NLRP11: variants seen among roughly 807,000 people sequenced by gnomAD.
NLRP11 encodes NLR family pyrin domain containing 11.
NLRP11 carries 53 observed loss-of-function variants against 79.3 expected under a neutral mutation model. The observed-to-expected ratio is 0.67, with a 90% CI of 0.54 to 0.84. The LOEUF is 0.84. Among genes scored for constraint, NLRP11 ranks in the 40% least tolerant of loss-of-function variants. NLRP11 has a pLI of 0.00. For synonymous variants in NLRP11, 518 were observed against 462.6 expected (o/e 1.12, Z -1.54); for missense variants, 1,264 against 1,255.0 (o/e 1.01, Z -0.11).
intron 6 of NLRP11, among the ~76,000 whole-genome samples, chr19:55,793,564 A>G (rs1490512144): frequency 6.8e-6 from 1 of 146,800 alleles, no homozygotes; most frequent in African/African-American, 2.5e-5. Context: ...TCCAAAAAAA[A>G]AAAAAAAAAA....
intron 4 of NLRP11, among the ~76,000 whole-genome samples, chr19:55,805,626 G>A (rs540952723): frequency 1.1e-4 from 17 of 151,918 alleles, no homozygotes; most frequent in Non-Finnish European, 1.6e-4. Flanking sequence ...CGTGGCCTGC[G>A]CCTCCCGGGT....
chr19:55,821,099 T>TTTCC (rs1293638996), intron 1 of NLRP11, among the ~76,000 whole-genome samples: 1 of 151,974 alleles, frequency 6.6e-6, no homozygotes, highest in Non-Finnish European at 1.5e-5. Flanking sequence ...AAGCTTGCAA[T>TTTCC]TTCCTTCCAT....
exon 5 of NLRP11, chr19:55,801,731 T>C (rs749263003): frequency 6.2e-7 from 1 of 1,614,054 alleles, no homozygotes; most frequent in African/African-American, 1.3e-5. Context: ...AGTCGAGACA[T>C]AGGACAACCT....
At chr19:55,822,357 A>C (rs1343761128) in intron 1 of NLRP11, among the ~76,000 whole-genome samples, 1 of 152,254 alleles carries the variant, frequency 6.6e-6, no homozygotes, top group African/African-American at 2.4e-5. Context: ...TGAAGATGTC[A>C]AAGAAAAATT....
chr19:55,803,375 G>C (rs1356928718), intron 4 of NLRP11, among the ~76,000 whole-genome samples: 1 of 152,100 alleles, frequency 6.6e-6, no homozygotes, highest in East Asian at 1.9e-4. Flanking sequence ...CAAAAACTAG[G>C]CAATACCATT....
chr19:55,793,420 T>C (rs1459191951), intron 6 of NLRP11, among the ~76,000 whole-genome samples: 1 of 151,610 alleles, frequency 6.6e-6, no homozygotes, highest in African/African-American at 2.4e-5. Flanking sequence ...AATACAAAAA[T>C]TAGCCGGCAT....
intron 7 of NLRP11, 79 bp from the exon 8 acceptor site, chr19:55,789,478 G>T: frequency 7.5e-7 from 1 of 1,330,248 alleles, no homozygotes; most frequent in South Asian, 1.4e-5. Flanking sequence ...AGCATTCTTG[G>T]ACCCGTCTTG....
chr19:55,835,499 G>A (rs1296174568), upstream of NLRP11, among the ~76,000 whole-genome samples: 3 of 151,170 alleles, frequency 2.0e-5, no homozygotes, highest in African/African-American at 4.9e-5. Flanking sequence ...TCAAGGGTTC[G>A]AGACCAGCCT....
chr19:55,814,495 G>A (rs977166819), intron 2 of NLRP11, among the ~76,000 whole-genome samples: 2 of 151,958 alleles, frequency 1.3e-5, no homozygotes, highest in African/African-American at 4.8e-5. Flanking sequence ...CACTATACCA[G>A]GACAAGCTAT....
intron 7 of NLRP11, 31 bp downstream of exon 7, chr19:55,792,270 C>G (rs1200813097): frequency 1.2e-6 from 2 of 1,600,234 alleles, no homozygotes; most frequent in South Asian, 2.2e-5. Flanking sequence ...AGTAGAAACA[C>G]AGTCATCCAG....
chr19:55,791,756 C>T (rs1990246796), intron 7 of NLRP11, among the ~76,000 whole-genome samples: 2 of 152,044 alleles, frequency 1.3e-5, no homozygotes, highest in African/African-American at 2.4e-5. Context: ...GAGGCACACT[C>T]AAAAAACTGT....
chr19:55,802,055 A>C (rs965698780), intron 4 of NLRP11, among the ~76,000 whole-genome samples: 3 of 152,198 alleles, frequency 2.0e-5, no homozygotes, highest in African/African-American at 4.8e-5. Context: ...CACATGCACA[A>C]GTTTAACCAT....
chr19:55,830,175 C>T (rs1025920308), intron 1 of NLRP11, among the ~76,000 whole-genome samples: 2 of 152,086 alleles, frequency 1.3e-5, no homozygotes. Flanking sequence ...GGTGTTTTTC[C>T]CCCCTAAGTG....
chr19:55,805,578 C>T (rs1434972183), intron 4 of NLRP11, among the ~76,000 whole-genome samples: 1 of 151,790 alleles, frequency 6.6e-6, no homozygotes, highest in African/African-American at 2.4e-5. Context: ...CTCACTCTGT[C>T]ACCCAGGCTG....
At chr19:55,829,014 C>T (rs1232053512) in intron 1 of NLRP11, among the ~76,000 whole-genome samples, 2 of 152,118 alleles carry the variant, frequency 1.3e-5, no homozygotes, top group African/African-American at 4.8e-5. Flanking sequence ...AAATGGCTAA[C>T]ACACGTATAT....
chr19:55,787,617 A>G (rs1989962080), intron 9 of NLRP11, among the ~76,000 whole-genome samples: 1 of 152,208 alleles, frequency 6.6e-6, no homozygotes, highest in Non-Finnish European at 1.5e-5. Flanking sequence ...AATTACAGGC[A>G]TGAACCACAG....
At position 55,808,931 on chromosome 19, in the gene NLRP11, G is replaced by A. The variant is rs376879259; in HGVS notation, c.1679C>T (p.Thr560Met). The A allele has an allele frequency of 5.8e-5, 93 of 1,613,874 alleles. No individual in the cohort carries two copies. Among genetic ancestry groups the A allele is most frequent in the South Asian group, 2.1e-4 (19 of 91,080 alleles). Reference sequence around the variant, plus strand: ...AACCTCCATGAGAGCATCCACAATCGTCTTCACAAATTCTTCTTCCCGATT... The same window carrying A: ...AACCTCCATGAGAGCATCCACAATCATCTTCACAAATTCTTCTTCCCGATT... The change falls in exon 3 of 10, where the codon ACG becomes ATG. Residue 560 changes from threonine to methionine, a missense_variant. Physicochemically the swap from Thr to Met is moderately conservative, Grantham distance 81 (BLOSUM62 -1). Coordinates refer to ENST00000589093, the Ensembl canonical transcript of NLRP11.
At chr19:55,823,586 A>G (rs1600203671) in intron 1 of NLRP11, among the ~76,000 whole-genome samples, 1 of 144,632 alleles carries the variant, frequency 6.9e-6, no homozygotes, top group South Asian at 2.1e-4. Flanking sequence ...ATGGAGCTGA[A>G]AACCAAGGCT....
chr19:55,821,205 TCACACACACACACACACA>T (rs950312294), intron 1 of NLRP11, among the ~76,000 whole-genome samples: 5 of 85,220 alleles, frequency 5.9e-5, no homozygotes, highest in African/African-American at 1.2e-4. Context: ...TCTCTCTCTC[TCACACACACACACACACA>T]CACACACACA....
Sources: allele counts gnomAD v4.1 joint callset (sites outside exome capture counted in the v4.1 genomes callset), GRCh38; gene constraint gnomAD v4.1.1; transcripts MANE v1.5; gene names NCBI Gene and HGNC (gene_info 2026-07-23, HGNC 2026-07-21).